The following FAF1 variants were observed in gnomAD, a reference collection of about 807,000 sequenced individuals.
FAF1 encodes FAS-associated factor 1.
In FAF1, 25 loss-of-function variants were observed where a neutral mutation model predicts 92.5. That is an observed-to-expected ratio of 0.27 (90% confidence interval 0.20 to 0.38). The LOEUF (loss-of-function observed/expected upper bound fraction) is 0.38, where lower values mean the gene tolerates loss of function less well. FAF1 is among the 10% of genes least tolerant of loss of function. The pLI is 1.00. For missense variants in FAF1, 636 were observed against 793.3 expected, an observed-to-expected ratio of 0.80 and a Z score of 2.38; for synonymous variants, 234 against 273.2, an observed-to-expected ratio of 0.86 and a Z score of 1.42.
intron 1 of FAF1, among the ~76,000 whole-genome samples, chr1:50,915,783 A>T (rs948311624): frequency 4.6e-5 from 7 of 152,196 alleles, no homozygotes; most frequent in African/African-American, 1.7e-4. Flanking sequence ...AATTAGTCCC[A>T]TAGGAGGATA....
At chr1:50,654,670 G>T (rs1369386767) in intron 8 of FAF1, among the ~76,000 whole-genome samples, 1 of 152,142 alleles carries the variant, frequency 6.6e-6, no homozygotes, top group Non-Finnish European at 1.5e-5. Flanking sequence ...TTAAGTATCA[G>T]TCTACTATGA....
chr1:50,460,739 TCCTCCCA>T (rs1646416691), intron 18 of FAF1, among the ~76,000 whole-genome samples: 1 of 151,206 alleles, frequency 6.6e-6, no homozygotes, highest in East Asian at 1.9e-4. Context: ...ACTGAAGTGA[TCCTCCCA>T]CCTCACTCTC....
chr1:50,735,830 C>CCT (rs1353254269), intron 6 of FAF1, among the ~76,000 whole-genome samples: 1 of 152,118 alleles, frequency 6.6e-6, no homozygotes, highest in Non-Finnish European at 1.5e-5. Flanking sequence ...AATTCTCCTG[C>CCT]CTCAGCCTCC....
At chr1:50,766,036 G>A (rs2124537189) in intron 4 of FAF1, among the ~76,000 whole-genome samples, 1 of 152,164 alleles carries the variant, frequency 6.6e-6, no homozygotes, top group South Asian at 2.1e-4. Context: ...AGGGTGCAGT[G>A]AGCCGAGATC....
At chr1:50,467,874 T>C (rs925151423) in intron 18 of FAF1, among the ~76,000 whole-genome samples, 11 of 152,138 alleles carry the variant, frequency 7.2e-5, no homozygotes, top group African/African-American at 2.7e-4. Flanking sequence ...GATGTGCTAA[T>C]TAGCTTGATT....
intron 12 of FAF1, among the ~76,000 whole-genome samples, chr1:50,572,925 C>G (rs1650513779): frequency 6.6e-6 from 1 of 152,032 alleles, no homozygotes; most frequent in South Asian, 2.1e-4. Context: ...TCTTGAACTC[C>G]TGGGCTCAAG....
At chr1:50,857,851 C>T in intron 2 of FAF1, 78 bp downstream of exon 2, 3 of 846,250 alleles carry the variant, frequency 3.5e-6, no homozygotes, top group Non-Finnish European at 5.7e-6. Context: ...ATGCTGAACC[C>T]ATCTATAAAA....
intron 4 of FAF1, among the ~76,000 whole-genome samples, chr1:50,750,262 A>G (rs945760451): frequency 6.6e-6 from 1 of 152,240 alleles, no homozygotes; most frequent in African/African-American, 2.4e-5. Context: ...ACTGAATCCA[A>G]TAGCATACTT....
chr1:50,610,877 C>A (rs1308666025), intron 8 of FAF1, among the ~76,000 whole-genome samples: 1 of 152,094 alleles, frequency 6.6e-6, no homozygotes, highest in African/African-American at 2.4e-5. Context: ...AAAAAAGTTT[C>A]TAATTCAACC....
chr1:50,749,365 C>G (rs1430406317), intron 4 of FAF1, among the ~76,000 whole-genome samples: 3 of 152,128 alleles, frequency 2.0e-5, no homozygotes, highest in Admixed American at 2.0e-4. Context: ...GGGACTTTAA[C>G]TTAAAGTCCC....
intron 1 of FAF1, among the ~76,000 whole-genome samples, chr1:50,878,658 A>AC (rs1374745563): frequency 6.6e-6 from 1 of 152,188 alleles, no homozygotes; most frequent in Non-Finnish European, 1.5e-5. Flanking sequence ...AATTTACAGT[A>AC]CCTTTTAATC....
rs900540702 is a variant in FAF1 at position 50,490,660 on chromosome 1, T to A, written c.1581A>T (p.Glu527Asp). Residue 527 changes from glutamate (E) to aspartate (D), a missense_variant, in exon 17 of 19, where the codon GAA becomes GAT. Glu to Asp is a conservative substitution (Grantham distance 45). Transcript: ENST00000396153. The part of the protein sequence containing the change: ...LSLEADRAKR[E>D]AHEREMAEQF... Reference sequence around the variant, plus strand: ...GTTCTGCCATCTCTCTCTCGTGAGCTTCCCTCTGTTGATAAAACAGAAAAG... The same window carrying A: ...GTTCTGCCATCTCTCTCTCGTGAGCATCCCTCTGTTGATAAAACAGAAAAG... 6.2e-7 allele frequency: 1 copy of A among 1,606,726 alleles called. No individual in the cohort carries two copies. Among genetic ancestry groups the A allele is most frequent in the Non-Finnish European group, 8.5e-7 (1 of 1,173,398 alleles).
chr1:50,919,346 G>T (rs755242133), intron 1 of FAF1, among the ~76,000 whole-genome samples: 17 of 151,716 alleles, frequency 1.1e-4, no homozygotes, highest in Non-Finnish European at 1.8e-4. Flanking sequence ...AATAGTAAAT[G>T]TAAGACTTTT....
At chr1:50,647,411 A>C (rs1654645054) in intron 8 of FAF1, among the ~76,000 whole-genome samples, 1 of 152,120 alleles carries the variant, frequency 6.6e-6, no homozygotes, top group South Asian at 2.1e-4. Flanking sequence ...TTTTTTGTCT[A>C]TAAATTTGTT....
At chr1:50,477,767 T>C (rs757634674) in intron 17 of FAF1, among the ~76,000 whole-genome samples, 1 of 152,224 alleles carries the variant, frequency 6.6e-6, no homozygotes, top group Non-Finnish European at 1.5e-5. Flanking sequence ...AGCTCCATAA[T>C]GGCATGGGAG....
At chr1:50,839,777 A>G (rs959975603) in intron 2 of FAF1, among the ~76,000 whole-genome samples, 3 of 152,132 alleles carry the variant, frequency 2.0e-5, no homozygotes, top group Non-Finnish European at 2.9e-5. Flanking sequence ...TACAAATCAC[A>G]TTCTACTACA....
chr1:50,927,750 T>C (rs1018536682), intron 1 of FAF1, among the ~76,000 whole-genome samples: 2 of 152,162 alleles, frequency 1.3e-5, no homozygotes, highest in African/African-American at 4.8e-5. Context: ...ATTCTGAGAC[T>C]AGAAATCCAA....
intron 2 of FAF1, among the ~76,000 whole-genome samples, chr1:50,848,868 T>C (rs1644324731): frequency 6.6e-6 from 1 of 152,188 alleles, no homozygotes; most frequent in Admixed American, 6.5e-5. Context: ...ACGTGAAAAC[T>C]AAATGTATTG....
chr1:50,544,729 G>A (rs1648927751), intron 13 of FAF1, among the ~76,000 whole-genome samples: 1 of 152,156 alleles, frequency 6.6e-6, no homozygotes, highest in Non-Finnish European at 1.5e-5. Flanking sequence ...ATGTGATGGA[G>A]GGAAAACAAA....
Sources: allele counts gnomAD v4.1 joint callset (sites outside exome capture counted in the v4.1 genomes callset), GRCh38; gene constraint gnomAD v4.1.1; transcripts MANE v1.5; gene names NCBI Gene and HGNC (gene_info 2026-07-23, HGNC 2026-07-21).